Variants in RYR2 observed in about 807,000 individuals in gnomAD.
RYR2 encodes cardiac muscle ryanodine receptor-calcium release channel.
In RYR2, 227 loss-of-function variants were observed where a neutral mutation model predicts 601.1. That is an observed-to-expected ratio of 0.38 (90% CI 0.34 to 0.42). The LOEUF is 0.42. RYR2 is among the 10% of genes least tolerant of loss of function. The pLI is 1.00. For synonymous variants in RYR2, 2,223 were observed against 2,175.1 expected (o/e 1.02, Z -0.61); for missense variants, 4,646 against 6,156.5 (o/e 0.75, Z 8.21).
intron 74 of RYR2, among the ~76,000 whole-genome samples, chr1:237,724,758 G>A (rs1180088716): frequency 2.9e-5 from 1 of 34,138 alleles, no homozygotes; most frequent in Non-Finnish European, 7.8e-5. Flanking sequence ...TAATTAAATG[G>A]CTACATTTCT....
At chr1:237,644,791 G>A (rs1206679253) in intron 48 of RYR2, among the ~76,000 whole-genome samples, 2 of 152,058 alleles carry the variant, frequency 1.3e-5, no homozygotes, top group Non-Finnish European at 2.9e-5. Context: ...TAGCACTTTG[G>A]GAGGCCAAGG....
At chr1:237,291,428 G>C (rs1380138593) in intron 2 of RYR2, among the ~76,000 whole-genome samples, 2 of 152,108 alleles carry the variant, frequency 1.3e-5, no homozygotes, top group Non-Finnish European at 2.9e-5. Context: ...AGCAATCACA[G>C]TCCTTGGTAT....
chr1:237,147,730 T>G (rs1459744263), intron 1 of RYR2, among the ~76,000 whole-genome samples: 1 of 152,246 alleles, frequency 6.6e-6, no homozygotes, highest in East Asian at 1.9e-4. Context: ...ACATTATCCT[T>G]GTGCCTTGAA....
chr1:237,418,039 A>ATTT (rs1558784651), intron 11 of RYR2, among the ~76,000 whole-genome samples: 8 of 151,478 alleles, frequency 5.3e-5, no homozygotes, highest in South Asian at 4.2e-4. Flanking sequence ...ATATTTAATT[A>ATTT]ATTAATTTAT....
intron 1 of RYR2, among the ~76,000 whole-genome samples, chr1:237,245,219 G>GA (rs1271789315): frequency 1.1e-3 from 153 of 137,820 alleles, no homozygotes; most frequent in East Asian, 4.4e-3. Context: ...TCTGTCTTTG[G>GA]AAAAAAAAAA....
At chr1:237,810,114 G>A (rs1328208620) in intron 100 of RYR2, among the ~76,000 whole-genome samples, 1 of 151,990 alleles carries the variant, frequency 6.6e-6, no homozygotes, top group Non-Finnish European at 1.5e-5. Context: ...CATGGAGAAC[G>A]GTCTGAGTAT....
intron 1 of RYR2, among the ~76,000 whole-genome samples, chr1:237,156,827 C>T (rs1397266341): frequency 6.6e-6 from 1 of 152,202 alleles, no homozygotes; most frequent in South Asian, 2.1e-4. Flanking sequence ...TTGATTTCAT[C>T]CTGTATTAAA....
chr1:237,417,155 A>C lies in RYR2; in HGVS notation c.848+32A>C, dbSNP rs374153877. The C allele has an allele frequency of 3.3e-6, 5 of 1,505,456 alleles. No homozygotes were observed. The African/African-American group carries it at 5.5e-5, about 17-fold the overall frequency. The allele number at this position is 1,505,456 out of a possible 1,614,324, so 93.3% of individuals were successfully genotyped here. A position where few individuals can be genotyped will look rare whatever the true frequency, so the allele number is the denominator to read the frequency against. On this transcript the variant is annotated intron_variant, in intron 11 of 104. Coordinates refer to ENST00000366574, the MANE Select transcript of RYR2 (RefSeq NM_001035.3). Reference sequence around the variant, plus strand: ...AGAACTTCTAAACACAGCCTAATGCACCAAGTGTACCAAATAGCTCAGCGT... The same window carrying C: ...AGAACTTCTAAACACAGCCTAATGCCCCAAGTGTACCAAATAGCTCAGCGT...
At chr1:237,074,798 G>C (rs369973093) in intron 1 of RYR2, among the ~76,000 whole-genome samples, 1 of 152,148 alleles carries the variant, frequency 6.6e-6, no homozygotes, top group Non-Finnish European at 1.5e-5. Flanking sequence ...GCGATGTTAC[G>C]TTGGTGTGAC....
intron 1 of RYR2, among the ~76,000 whole-genome samples, chr1:237,083,165 T>A (rs1398142616): frequency 6.6e-6 from 1 of 152,052 alleles, no homozygotes; most frequent in Non-Finnish European, 1.5e-5. Context: ...GACTAGGGAG[T>A]AGGAGGAGAA....
rs376243998 is a variant in RYR2, at chr1:237,492,990, G to C, written c.1864G>C (p.Gly622Arg). ...DVLCSLCVCH[G>R]VAVRSNQHLI... ...CTTGTGCTCACTCTGTGTTTGCCAC[G>C]GGGTTGCAGTCCGTTCTAACCAGCA... Residue 622 changes from glycine to arginine, a missense_variant, in exon 19 of 105, where the codon GGG becomes CGG. By Grantham distance (125) the Gly-to-Arg change is moderately radical (BLOSUM62 -2). Coordinates refer to ENST00000366574, the MANE Select transcript of RYR2 (RefSeq NM_001035.3). The C allele has an allele frequency of 1.2e-6, 2 of 1,607,418 alleles. No individual in the cohort carries two copies. Among genetic ancestry groups the C allele is most frequent in the South Asian group, 1.1e-5 (1 of 89,896 alleles).
intron 24 of RYR2, 42 bp from the exon 25 acceptor site, chr1:237,530,385 A>G (rs760872407): frequency 1.4e-6 from 2 of 1,432,918 alleles, no homozygotes; most frequent in Middle Eastern, 1.7e-4. Flanking sequence ...TTCTGGACAT[A>G]GAGAAGAAAT....
rs772387559 is a variant in RYR2 at position 237,217,328 on chromosome 1, C to CAT, written c.49-53169_49-53168insAT. Among the ~76,000 whole-genome samples the CAT allele has an allele frequency of 2.2e-3, 321 of 146,506 alleles. 2 individuals are homozygous for CAT. Among genetic ancestry groups the CAT allele is most frequent in the Middle Eastern group, 7.2e-3 (2 of 278 alleles). On this transcript the variant is annotated intron_variant, in intron 1 of 104. Coordinates refer to ENST00000366574, the MANE Select transcript of RYR2 (RefSeq NM_001035.3). Reference sequence around the variant, plus strand: ...CTTCTTGAGGTTAGGAATTAAAACACTTTTTTTTTTTTTGGTAATTTTTAA... The same window carrying CAT: ...CTTCTTGAGGTTAGGAATTAAAACACATTTTTTTTTTTTTTGGTAATTTTTAA...
In RYR2 at chr1:237,425,997, T is replaced by C. The variant is rs1014737344; in HGVS notation, c.1005+2749T>C. On this transcript the variant is annotated intron_variant, in intron 12 of 104. Coordinates refer to ENST00000366574, the MANE Select transcript of RYR2 (RefSeq NM_001035.3). ...ACTCTGATTTATGCGATCATTATTCTTTATGTAATCATTACCCTTTATTGT... is the reference window on the plus strand; with the variant it reads ...ACTCTGATTTATGCGATCATTATTCCTTATGTAATCATTACCCTTTATTGT... Among the ~76,000 whole-genome samples the C allele has an allele frequency of 1.2e-4, 18 of 152,152 alleles. No individual in the cohort carries two copies. In the East Asian group the frequency reaches 1.5e-3, roughly 13 times the overall value.
intron 2 of RYR2, among the ~76,000 whole-genome samples, chr1:237,306,393 T>G (rs1052578888): frequency 6.6e-6 from 1 of 152,208 alleles, no homozygotes; most frequent in African/African-American, 2.4e-5. Context: ...TCTGGCACTA[T>G]TTTAAAATAC....
At chr1:237,423,965 A>T (rs1237048313) in intron 12 of RYR2, among the ~76,000 whole-genome samples, 1 of 152,138 alleles carries the variant, frequency 6.6e-6, no homozygotes, top group Non-Finnish European at 1.5e-5. Flanking sequence ...CAGGTCTTAC[A>T]TGGAGGCAGG....
At position 237,819,501 on chromosome 1, in the gene RYR2, G is replaced by A. The variant is rs977376038; in HGVS notation, c.14590+309G>A. On this transcript the variant is annotated intron_variant, in intron 101 of 104. Transcript: ENST00000366574. This position sits in a 1 kb window ranked among gnomAD's most constrained non-coding sequence, Gnocchi z 4.0. Reference sequence around the variant, plus strand: ...ATGAACCCCAGCTTTACAATCTTGGGTGGGTGAGCCATTTAACCCTTTAAA... The same window carrying A: ...ATGAACCCCAGCTTTACAATCTTGGATGGGTGAGCCATTTAACCCTTTAAA... Among the ~76,000 whole-genome samples, 1 of 152,122 alleles carries A rather than the reference G, an allele frequency of 6.6e-6. No individual in the cohort carries two copies. Among genetic ancestry groups the A allele is most frequent in the African/African-American group, 2.4e-5 (1 of 41,424 alleles).
chr1:237,518,252 G>GTT (rs56958755), intron 24 of RYR2, among the ~76,000 whole-genome samples: 25 of 149,682 alleles, frequency 1.7e-4, no homozygotes, highest in South Asian at 4.2e-4. Context: ...CTTTTCTATT[G>GTT]TTTTTTTTTG....
At chr1:237,350,469 G>T (rs1013922483) in intron 3 of RYR2, among the ~76,000 whole-genome samples, 3 of 148,948 alleles carry the variant, frequency 2.0e-5, no homozygotes, top group Admixed American at 6.8e-5. Context: ...TACTCGGGAG[G>T]CTGAGGCAGG....
Sources: gnomAD v4.1 joint callset for allele counts (sites outside exome capture counted in the v4.1 genomes callset) on GRCh38, gnomAD v4.1.1 for gene constraint, Gnocchi (gnomAD v3.1) non-coding constraint, MANE v1.5 for transcripts, NCBI Gene and HGNC (gene_info 2026-07-23, HGNC 2026-07-21) for gene names.